The following FHIP1A variants were observed in gnomAD, a reference collection of about 807,000 sequenced individuals.
The protein encoded by FHIP1A is FHF complex subunit HOOK interacting protein 1A.
Under a neutral mutation model 88.6 loss-of-function variants are expected in FHIP1A, and 61 were observed. The ratio of observed to expected loss-of-function variants is 0.69; its 90% CI spans 0.56 to 0.85. FHIP1A has a LOEUF of 0.85. FHIP1A is among the 40% of genes least tolerant of loss of function. FHIP1A has a pLI of 0.00. For missense variants in FHIP1A, 1,154 were observed against 1,273.5 expected, an observed-to-expected ratio of 0.91 and a Z score of 1.43; for synonymous variants, 478 against 496.0, an observed-to-expected ratio of 0.96 and a Z score of 0.48.
chr4:151,500,493 C>T (rs1730613755), intron 3 of FHIP1A, among the ~76,000 whole-genome samples: 1 of 150,052 alleles, frequency 6.7e-6, no homozygotes, highest in Non-Finnish European at 1.5e-5. Context: ...TGAATCCTGA[C>T]CCCTGCCCCA....
At chr4:151,553,595 A>G (rs1020691394) in intron 3 of FHIP1A, among the ~76,000 whole-genome samples, 2 of 152,208 alleles carry the variant, frequency 1.3e-5, no homozygotes, top group African/African-American at 2.4e-5. Context: ...ATTGATTTGT[A>G]TAGCTAGACT....
At chr4:151,470,220 AAAG>A (rs1234699473) in intron 2 of FHIP1A, among the ~76,000 whole-genome samples, 2 of 152,212 alleles carry the variant, frequency 1.3e-5, no homozygotes, top group African/African-American at 2.4e-5. Flanking sequence ...ATAGTGTAGA[AAAG>A]AAAGCTGTGT....
At chr4:151,627,232 C>T (rs957160525) in intron 7 of FHIP1A, among the ~76,000 whole-genome samples, 1 of 152,178 alleles carries the variant, frequency 6.6e-6, no homozygotes, top group African/African-American at 2.4e-5. Context: ...CTTAAATCCT[C>T]TTAGCTTATA....
chr4:151,622,522 C>T (rs934645109), intron 7 of FHIP1A, among the ~76,000 whole-genome samples: 6 of 152,052 alleles, frequency 3.9e-5, no homozygotes, highest in African/African-American at 1.4e-4. Context: ...TGAGACACCC[C>T]TTCAGTAAGT....
chr4:151,571,698 T>C (rs1205969105), intron 4 of FHIP1A, among the ~76,000 whole-genome samples: 1 of 152,188 alleles, frequency 6.6e-6, no homozygotes, highest in African/African-American at 2.4e-5. Flanking sequence ...AAGTAAAGCC[T>C]TTGAGAGATG....
chr4:151,416,853 G>A lies in FHIP1A; in HGVS notation c.-356+7388G>A, dbSNP rs981492153. 2.6e-5 allele frequency among the ~76,000 whole-genome samples: 4 copies of A among 151,882 alleles called. No individual in the cohort carries two copies. The South Asian group carries it at 8.3e-4, about 32-fold the overall frequency. On this transcript the variant is annotated intron_variant, in intron 1 of 13. Coordinates refer to ENST00000435205, the MANE Select transcript of FHIP1A (RefSeq NM_001109977.3). Reference sequence around the variant, plus strand: ...GGCTGGAGTGCACTAGTGCAATTTGGGCTCATTGCAGCCTCAGCTTCCTAG... The same window carrying A: ...GGCTGGAGTGCACTAGTGCAATTTGAGCTCATTGCAGCCTCAGCTTCCTAG...
chr4:151,432,496 A>T (rs1379956371), intron 1 of FHIP1A, among the ~76,000 whole-genome samples: 3 of 152,224 alleles, frequency 2.0e-5, no homozygotes, highest in Non-Finnish European at 4.4e-5. Context: ...GACAATAAAT[A>T]TGTAAGCAGG....
In FHIP1A at chr4:151,668,680, A is replaced by G. The variant is rs1737751073; in HGVS notation, c.*5926A>G. On this transcript the variant is annotated 3_prime_UTR_variant, in exon 14 of 14. Transcript: ENST00000435205. ...AGTGTCTCTTCAAAAGGGCCCCACA[A>G]AAGGCTGTCCATTAATTTGTTTCAT... 6.6e-6 allele frequency among the ~76,000 whole-genome samples: 1 copy of G among 152,188 alleles called. No homozygotes were observed. The highest frequency in any genetic ancestry group is 1.5e-5 in the Non-Finnish European group (1 of 68,034).
chr4:151,515,428 A>T (rs897004377), intron 3 of FHIP1A, among the ~76,000 whole-genome samples: 38 of 152,048 alleles, frequency 2.5e-4, no homozygotes, highest in African/African-American at 8.7e-4. Flanking sequence ...ACTCCTATTC[A>T]AAATAGTGTT....
At chr4:151,457,466 G>C (rs1729006632) in intron 2 of FHIP1A, among the ~76,000 whole-genome samples, 1 of 152,064 alleles carries the variant, frequency 6.6e-6, no homozygotes, top group African/African-American at 2.4e-5. Flanking sequence ...TGCCCTACCA[G>C]GAAAGGGAGA....
intron 3 of FHIP1A, among the ~76,000 whole-genome samples, chr4:151,555,051 C>A (rs936120706): frequency 6.6e-6 from 1 of 152,052 alleles, no homozygotes; most frequent in African/African-American, 2.4e-5. Flanking sequence ...GGTTCTCCCC[C>A]CAATCACAGA....
At chr4:151,610,848 C>T (rs984157480) in intron 7 of FHIP1A, among the ~76,000 whole-genome samples, 10 of 152,188 alleles carry the variant, frequency 6.6e-5, no homozygotes, top group Admixed American at 5.2e-4. Flanking sequence ...TGAAGATTAC[C>T]TGGTATGATC....
chr4:151,414,211 C>T (rs556851103), intron 1 of FHIP1A, among the ~76,000 whole-genome samples: 6 of 151,854 alleles, frequency 4.0e-5, no homozygotes, highest in East Asian at 1.9e-4. Flanking sequence ...CCACCATGCC[C>T]GGCTAAGTTT....
Position 151,667,313 on chromosome 4 carries a change from A to G in FHIP1A, c.*4559A>G, listed in dbSNP as rs146299845. 1.3e-5 allele frequency: 2 copies of G among 152,358 alleles called. No homozygotes were observed. The highest frequency in any genetic ancestry group is 6.5e-5 in the Admixed American group (1 of 15,308). 9.4% of individuals were successfully genotyped at this position (152,358 alleles called of 1,614,324 possible). A position where few individuals can be genotyped will look rare whatever the true frequency, so the allele number is the denominator to read the frequency against. ...ATCAAGTAACAGCTTAAAACAGAAC[A>G]CTGTCAAACCACTTTATGTTCCACC... On this transcript the variant is annotated 3_prime_UTR_variant, in exon 14 of 14. Transcript: ENST00000435205.
chr4:151,445,103 T>C (rs1728543898), intron 1 of FHIP1A, among the ~76,000 whole-genome samples: 1 of 152,168 alleles, frequency 6.6e-6, no homozygotes, highest in African/African-American at 2.4e-5. Flanking sequence ...TTGGAGGTTC[T>C]CATGACCCCC....
At chr4:151,435,096 TTTTC>T (rs1358517895) in intron 1 of FHIP1A, among the ~76,000 whole-genome samples, 1 of 152,186 alleles carries the variant, frequency 6.6e-6, no homozygotes, top group Non-Finnish European at 1.5e-5. Flanking sequence ...AACATTTATC[TTTTC>T]TTTATGTTGG....
At chr4:151,575,659 G>A (rs1733760256) in intron 4 of FHIP1A, among the ~76,000 whole-genome samples, 1 of 152,168 alleles carries the variant, frequency 6.6e-6, no homozygotes, top group South Asian at 2.1e-4. Flanking sequence ...TTGTGACACA[G>A]CATTATCAAC....
At chr4:151,489,381 A>G (rs1398664819) in intron 3 of FHIP1A, among the ~76,000 whole-genome samples, 1 of 152,232 alleles carries the variant, frequency 6.6e-6, no homozygotes, top group Non-Finnish European at 1.5e-5. Flanking sequence ...GGGAGGGGCC[A>G]CAGAGTGAAG....
At chr4:151,419,286 T>A (rs886766066) in intron 1 of FHIP1A, among the ~76,000 whole-genome samples, 3 of 152,220 alleles carry the variant, frequency 2.0e-5, no homozygotes, top group Admixed American at 2.0e-4. Context: ...GTTTTCAACC[T>A]GGGACATTGG....
Sources: gnomAD v4.1 joint callset for allele counts (sites outside exome capture counted in the v4.1 genomes callset) on GRCh38, gnomAD v4.1.1 for gene constraint, MANE v1.5 for transcripts, NCBI Gene and HGNC (gene_info 2026-07-23, HGNC 2026-07-21) for gene names.